The following GRID1 variants were observed in gnomAD, a reference collection of about 807,000 sequenced individuals.
GRID1 encodes glutamate ionotropic receptor delta type subunit 1, also known as glutamate receptor ionotropic, delta-1.
Under a neutral mutation model 98.0 loss-of-function variants are expected in GRID1, and 28 were observed. The observed-to-expected ratio is 0.29, with a 90% CI of 0.21 to 0.39. GRID1 has a LOEUF of 0.39. Among genes scored for constraint, GRID1 ranks in the 10% least tolerant of loss-of-function variants. The pLI is 1.00. For missense variants in GRID1, 1,111 were observed against 1,340.5 expected, an observed-to-expected ratio of 0.83 and a Z score of 2.67; for synonymous variants, 553 against 538.5, an observed-to-expected ratio of 1.03 and a Z score of -0.37.
intron 12 of GRID1, among the ~76,000 whole-genome samples, chr10:85,713,731 A>C (rs1381673636): frequency 6.6e-6 from 1 of 151,886 alleles, no homozygotes; most frequent in African/African-American, 2.4e-5. Context: ...ACACTACATT[A>C]ACAAAATGAG....
At chr10:85,759,918 A>C (rs1384358362) in intron 8 of GRID1, among the ~76,000 whole-genome samples, 1 of 152,228 alleles carries the variant, frequency 6.6e-6, no homozygotes, top group Non-Finnish European at 1.5e-5. Flanking sequence ...GCATCCTGCC[A>C]TGCCAGGTAA....
intron 4 of GRID1, among the ~76,000 whole-genome samples, chr10:85,953,291 A>T (rs1394594564): frequency 1.3e-5 from 2 of 152,160 alleles, no homozygotes; most frequent in African/African-American, 2.4e-5. Context: ...CAAATACTGC[A>T]TGTTCTTACT....
intron 4 of GRID1, among the ~76,000 whole-genome samples, chr10:86,113,238 C>T (rs989655931): frequency 1.3e-5 from 2 of 152,104 alleles, no homozygotes; most frequent in Admixed American, 6.5e-5. Flanking sequence ...AAATAGAACC[C>T]CAACTCCTCG....
chr10:85,630,552 G>A (rs1358489230), intron 13 of GRID1, among the ~76,000 whole-genome samples: 1 of 152,198 alleles, frequency 6.6e-6, no homozygotes, highest in Non-Finnish European at 1.5e-5. Flanking sequence ...AGACTAGGCT[G>A]GGTCACAGTC....
At chr10:86,162,283 CAA>C (rs776766638) in intron 3 of GRID1, among the ~76,000 whole-genome samples, 1 of 151,998 alleles carries the variant, frequency 6.6e-6, no homozygotes, top group Non-Finnish European at 1.5e-5. Flanking sequence ...GACCCAGAAG[CAA>C]AGACAGGAAA....
intron 3 of GRID1, among the ~76,000 whole-genome samples, chr10:86,202,950 C>A (rs1845974618): frequency 6.6e-6 from 1 of 152,224 alleles, no homozygotes; most frequent in South Asian, 2.1e-4. Flanking sequence ...GGGACAGGAG[C>A]AGGAAGCTAG....
At chr10:85,655,234 C>T (rs1564690448) in intron 12 of GRID1, among the ~76,000 whole-genome samples, 1 of 152,196 alleles carries the variant, frequency 6.6e-6, no homozygotes, top group East Asian at 1.9e-4. Flanking sequence ...CTAAAACCTA[C>T]CCACCCTGAA....
At chr10:85,725,133 A>G (rs142773118) in intron 10 of GRID1, among the ~76,000 whole-genome samples, 1 of 152,230 alleles carries the variant, frequency 6.6e-6, no homozygotes, top group African/African-American at 2.4e-5. Flanking sequence ...CTCAGACTCT[A>G]TTATCCCACA....
intron 2 of GRID1, among the ~76,000 whole-genome samples, chr10:86,293,928 CAAT>C (rs1847551444): frequency 6.6e-6 from 1 of 152,096 alleles, no homozygotes. Flanking sequence ...TAAAAAATAA[CAAT>C]AAGATAATAA....
chr10:85,723,953 GGC>G (rs1352212092), intron 11 of GRID1, among the ~76,000 whole-genome samples: 6 of 152,130 alleles, frequency 3.9e-5, no homozygotes, highest in African/African-American at 1.4e-4. Flanking sequence ...CCTCAAGAAT[GGC>G]TGAAGTACTG....
intron 12 of GRID1, among the ~76,000 whole-genome samples, chr10:85,689,993 T>G (rs1289621248): frequency 6.6e-6 from 1 of 152,092 alleles, no homozygotes; most frequent in Non-Finnish European, 1.5e-5. Context: ...AGAACCTAAA[T>G]GCAGAAAAGC....
chr10:85,772,057 A>C (rs966639381), intron 8 of GRID1, among the ~76,000 whole-genome samples: 1 of 152,172 alleles, frequency 6.6e-6, no homozygotes, highest in Non-Finnish European at 1.5e-5. Context: ...TCCAAAATTG[A>C]CCACATAGTT....
chr10:85,743,110 C>CCA (rs1554828625), intron 8 of GRID1, among the ~76,000 whole-genome samples: 1 of 129,716 alleles, frequency 7.7e-6, no homozygotes, highest in Non-Finnish European at 1.7e-5. Flanking sequence ...ATGCAGCCCC[C>CCA]CCCCCCACCA....
chr10:86,163,581 G>C (rs1845354469), intron 3 of GRID1, among the ~76,000 whole-genome samples: 1 of 152,160 alleles, frequency 6.6e-6, no homozygotes, highest in Non-Finnish European at 1.5e-5. Flanking sequence ...TGAAGACTGT[G>C]AGCATGATAC....
chr10:85,718,648 G>A (rs1841666755), intron 12 of GRID1, among the ~76,000 whole-genome samples: 1 of 152,194 alleles, frequency 6.6e-6, no homozygotes, highest in Non-Finnish European at 1.5e-5. Flanking sequence ...GCCATGGTGG[G>A]AGCATTTGGG....
chr10:86,064,033 C>T (rs1361442968), intron 4 of GRID1, among the ~76,000 whole-genome samples: 1 of 152,124 alleles, frequency 6.6e-6, no homozygotes, highest in Non-Finnish European at 1.5e-5. Context: ...ATGTTTATCT[C>T]AAGGTACTGG....
chr10:86,270,326 A>G (rs1247118063), intron 2 of GRID1, among the ~76,000 whole-genome samples: 29 of 151,850 alleles, frequency 1.9e-4, no homozygotes, highest in Admixed American at 1.8e-3. Flanking sequence ...CCTCCTCTCT[A>G]CCACCCCCAC....
intron 12 of GRID1, among the ~76,000 whole-genome samples, chr10:85,679,836 T>C (rs1164996139): frequency 6.6e-6 from 1 of 152,138 alleles, no homozygotes; most frequent in Non-Finnish European, 1.5e-5. Flanking sequence ...TGGGGGGATA[T>C]TAACACACTC....
chr10:85,641,736 G>T (rs1843121468), intron 13 of GRID1, among the ~76,000 whole-genome samples: 1 of 152,210 alleles, frequency 6.6e-6, no homozygotes, highest in Non-Finnish European at 1.5e-5. Context: ...GGGATGTAGA[G>T]ATTGCTCAAT....
Sources: gnomAD v4.1 joint callset for allele counts (sites outside exome capture counted in the v4.1 genomes callset) on GRCh38, gnomAD v4.1.1 for gene constraint, MANE v1.5 for transcripts, NCBI Gene and HGNC (gene_info 2026-07-23, HGNC 2026-07-21) for gene names.